ANKS1B: variants seen among roughly 807,000 people sequenced by gnomAD.
ANKS1B encodes ankyrin repeat and sterile alpha motif domain-containing protein 1B.
A neutral mutation model predicts 148.3 loss-of-function variants in ANKS1B; 36 were observed. The observed-to-expected ratio is 0.24, with a 90% CI of 0.19 to 0.32. The LOEUF (loss-of-function observed/expected upper bound fraction) is 0.32. Among genes scored for constraint, ANKS1B ranks in the 10% least tolerant of loss-of-function variants. ANKS1B has a pLI of 1.00. For synonymous variants in ANKS1B, 542 were observed against 560.8 expected (o/e 0.97, Z 0.47); for missense variants, 1,157 against 1,542.6 (o/e 0.75, Z 4.19).
At chr12:99,752,847 G>T (rs1381013971) in intron 8 of ANKS1B, among the ~76,000 whole-genome samples, 5 of 151,890 alleles carry the variant, frequency 3.3e-5, no homozygotes, top group African/African-American at 1.2e-4. Context: ...TATGTGAATT[G>T]CTTAGCTTTT....
chr12:99,563,744 T>C (rs1209177920), intron 9 of ANKS1B, among the ~76,000 whole-genome samples: 1 of 152,148 alleles, frequency 6.6e-6, no homozygotes, highest in Non-Finnish European at 1.5e-5. Flanking sequence ...CTTCAATTTG[T>C]AAAAAGACTG....
At chr12:99,882,375 A>T (rs1236035357) in intron 1 of ANKS1B, among the ~76,000 whole-genome samples, 1 of 152,220 alleles carries the variant, frequency 6.6e-6, no homozygotes, top group Non-Finnish European at 1.5e-5. Flanking sequence ...AAACTGACCA[A>T]ATTTGCCAAA....
intron 25 of ANKS1B, among the ~76,000 whole-genome samples, chr12:98,766,014 G>T (rs2098476100): frequency 6.6e-6 from 1 of 152,146 alleles, no homozygotes; most frequent in African/African-American, 2.4e-5. Context: ...AGAAGTGGGG[G>T]GTGCAACAAA....
intron 22 of ANKS1B, among the ~76,000 whole-genome samples, chr12:98,785,912 C>T (rs976721586): frequency 1.3e-5 from 2 of 152,128 alleles, no homozygotes; most frequent in African/African-American, 4.8e-5. Context: ...TCAAGGCGAA[C>T]CTTCTGTTAT....
intron 8 of ANKS1B, among the ~76,000 whole-genome samples, chr12:99,757,870 G>A (rs10778019): frequency 0.44 from 66,318 of 151,676 alleles, 14,899 homozygotes; most frequent in South Asian, 0.61. Context: ...ATTCTCACTT[G>A]TAAGTGGGAG....
intron 9 of ANKS1B, among the ~76,000 whole-genome samples, chr12:99,652,590 T>C (rs2098427398): frequency 1.3e-5 from 2 of 152,188 alleles, no homozygotes; most frequent in African/African-American, 4.8e-5. Flanking sequence ...AGTACATTTA[T>C]AGATTTAATG....
At chr12:99,059,788 C>CGTATATATATATATATATATATATATAT (rs1555201023) in intron 16 of ANKS1B, among the ~76,000 whole-genome samples, 3 of 90,322 alleles carry the variant, frequency 3.3e-5, no homozygotes, top group Non-Finnish European at 6.4e-5. Flanking sequence ...AACTAAAATT[C>CGTATATATATATATATATATATATATAT]ATATATATAT....
intron 8 of ANKS1B, among the ~76,000 whole-genome samples, chr12:99,684,286 T>C (rs1441993655): frequency 7.0e-6 from 1 of 143,256 alleles, no homozygotes; most frequent in African/African-American, 2.6e-5. Flanking sequence ...AATCAATATA[T>C]ACAAATCAGT....
intron 17 of ANKS1B, among the ~76,000 whole-genome samples, chr12:98,937,064 A>G (rs549894529): frequency 3.0e-4 from 46 of 152,308 alleles, no homozygotes; most frequent in African/African-American, 1.1e-3. Context: ...TGAAGAGTAG[A>G]TTAACTCACT....
At chr12:99,086,803 C>T (rs2052009649) in intron 15 of ANKS1B, among the ~76,000 whole-genome samples, 1 of 151,990 alleles carries the variant, frequency 6.6e-6, no homozygotes, top group Admixed American at 6.6e-5. Context: ...TTTTTTTTGA[C>T]AAATCAAACT....
chr12:99,322,539 AC>A, intron 12 of ANKS1B, among the ~76,000 whole-genome samples: 1 of 152,264 alleles, frequency 6.6e-6, no homozygotes, highest in Non-Finnish European at 1.5e-5. Flanking sequence ...TCATACAGGA[AC>A]AAAAACAAAA....
At chr12:99,280,862 C>CTCTT (rs1434237229) in intron 12 of ANKS1B, among the ~76,000 whole-genome samples, 1 of 150,968 alleles carries the variant, frequency 6.6e-6, no homozygotes, top group African/African-American at 2.4e-5. Context: ...CTCTCTCTCT[C>CTCTT]TCTGTCTGTC....
At chr12:99,632,767 A>ATATATATATATATATTTT (rs1441486862) in intron 9 of ANKS1B, among the ~76,000 whole-genome samples, 15 of 71,314 alleles carry the variant, frequency 2.1e-4, no homozygotes, top group Non-Finnish European at 3.7e-4. Flanking sequence ...ATATATATAT[A>ATATATATATATATATTTT]TTTTAATTAT....
At chr12:98,876,154 G>C (rs2099689027) in intron 17 of ANKS1B, among the ~76,000 whole-genome samples, 1 of 152,160 alleles carries the variant, frequency 6.6e-6, no homozygotes, top group African/African-American at 2.4e-5. Context: ...ATTGCTAGGA[G>C]GCTGATGTCT....
At chr12:99,487,053 G>C (rs75334628) in intron 10 of ANKS1B, among the ~76,000 whole-genome samples, 5,737 of 152,226 alleles carry the variant, frequency 0.038, 151 homozygotes, top group South Asian at 0.084. Flanking sequence ...TGTTGGGTTA[G>C]AGCTGAAGAA....
intron 8 of ANKS1B, among the ~76,000 whole-genome samples, chr12:99,719,632 A>G (rs1346320819): frequency 3.3e-5 from 5 of 152,156 alleles, no homozygotes; most frequent in African/African-American, 1.2e-4. Flanking sequence ...CTCTTGCAAA[A>G]GCACTAAAAG....
At chr12:99,203,453 CTTT>C (rs781209215) in intron 14 of ANKS1B, among the ~76,000 whole-genome samples, 1 of 142,956 alleles carries the variant, frequency 7.0e-6, no homozygotes, top group Non-Finnish European at 1.5e-5. Flanking sequence ...CTGCTTCTTT[CTTT>C]TTTTTTTTTT....
intron 17 of ANKS1B, among the ~76,000 whole-genome samples, chr12:98,878,427 G>GA (rs2099697409): frequency 6.6e-6 from 1 of 150,780 alleles, no homozygotes. Flanking sequence ...CCTAAACTCT[G>GA]AAAAAGTCAA....
chr12:99,361,808 GT>G (rs963455031), intron 12 of ANKS1B, among the ~76,000 whole-genome samples: 1 of 151,982 alleles, frequency 6.6e-6, no homozygotes, highest in Non-Finnish European at 1.5e-5. Flanking sequence ...CACACTGGGG[GT>G]GGGGGAAATG....
Sources: gnomAD v4.1 joint callset for allele counts (sites outside exome capture counted in the v4.1 genomes callset) on GRCh38, gnomAD v4.1.1 for gene constraint, MANE v1.5 for transcripts, NCBI Gene and HGNC (gene_info 2026-07-23, HGNC 2026-07-21) for gene names.